LRP1B: variants seen among roughly 807,000 people sequenced by gnomAD.
LRP1B encodes LDL receptor related protein 1B.
Under a neutral mutation model 556.6 loss-of-function variants are expected in LRP1B, and 217 were observed. That is an observed-to-expected ratio of 0.39 (90% CI 0.35 to 0.44). The LOEUF is 0.44. Among genes scored for constraint, LRP1B ranks in the 20% least tolerant of loss-of-function variants. The pLI is 1.00. For synonymous variants in LRP1B, 2,047 were observed against 1,865.8 expected (o/e 1.10, Z -2.50); for missense variants, 5,053 against 5,620.8 (o/e 0.90, Z 3.23).
At chr2:141,033,363 A>C (rs1698434884) in intron 11 of LRP1B, among the ~76,000 whole-genome samples, 1 of 152,016 alleles carries the variant, frequency 6.6e-6, no homozygotes, top group African/African-American at 2.4e-5. Flanking sequence ...GTCATTGGAA[A>C]GTTGTAAGTA....
chr2:140,319,238 C>A (rs1227944143), intron 82 of LRP1B, among the ~76,000 whole-genome samples: 2 of 152,020 alleles, frequency 1.3e-5, no homozygotes, highest in Non-Finnish European at 2.9e-5. Context: ...GGAAAACCAC[C>A]AAAAACTGTC....
intron 2 of LRP1B, among the ~76,000 whole-genome samples, chr2:141,636,368 T>C (rs1689109146): frequency 6.6e-6 from 1 of 151,908 alleles, no homozygotes; most frequent in South Asian, 2.1e-4. Context: ...CAAAAACAAA[T>C]GAAAAGAACT....
At chr2:140,613,615 C>T (rs140966530) in intron 41 of LRP1B, among the ~76,000 whole-genome samples, 3 of 151,248 alleles carry the variant, frequency 2.0e-5, no homozygotes, top group Middle Eastern at 3.4e-3. Flanking sequence ...CTCAACTAGG[C>T]CTCAGCCTTG....
chr2:141,350,509 C>G lies in LRP1B; in HGVS notation c.344-95868G>C, dbSNP rs147643719. 1.3e-3 allele frequency among the ~76,000 whole-genome samples: 196 copies of G among 152,162 alleles called. 10 individuals carry two copies. In the East Asian group the frequency reaches 0.036, roughly 28 times the overall value. ...TTTTTCTTTGAATTCTAGAGGTTCACTTACCATAGCATCCTAAGGCATCCT... is the reference window on the plus strand; with the variant it reads ...TTTTTCTTTGAATTCTAGAGGTTCAGTTACCATAGCATCCTAAGGCATCCT... On this transcript the variant is annotated intron_variant, in intron 3 of 90. Coordinates refer to ENST00000389484, the MANE Select transcript of LRP1B (RefSeq NM_018557.3).
chr2:141,951,093 A>G (rs1283903099), intron 1 of LRP1B, among the ~76,000 whole-genome samples: 2 of 152,172 alleles, frequency 1.3e-5, no homozygotes, highest in African/African-American at 4.8e-5. Context: ...TCCCATAGTG[A>G]TAATGGCTGC....
At chr2:141,228,419 G>A (rs570924012) in intron 6 of LRP1B, among the ~76,000 whole-genome samples, 60 of 151,336 alleles carry the variant, frequency 4.0e-4, no homozygotes, top group African/African-American at 1.4e-3. Flanking sequence ...ATGAGTGTGT[G>A]TGTGTACTCC....
At chr2:140,631,192 C>CCA (rs1177763931) in intron 41 of LRP1B, among the ~76,000 whole-genome samples, 2 of 152,020 alleles carry the variant, frequency 1.3e-5, no homozygotes, top group Admixed American at 6.6e-5. Flanking sequence ...TAACATAAAA[C>CCA]CACACACACA....
chr2:141,477,988 G>A (rs1432211571), intron 3 of LRP1B, among the ~76,000 whole-genome samples: 1 of 151,100 alleles, frequency 6.6e-6, no homozygotes, highest in Non-Finnish European at 1.5e-5. Context: ...TGTCACATGT[G>A]ATAAAAGAAA....
At chr2:140,264,580 GGCCC>G (rs1410922014) in intron 86 of LRP1B, among the ~76,000 whole-genome samples, 2 of 151,976 alleles carry the variant, frequency 1.3e-5, no homozygotes, top group African/African-American at 4.8e-5. Context: ...CCTCTTTAAA[GGCCC>G]TATCTCCAAA....
intron 29 of LRP1B, among the ~76,000 whole-genome samples, chr2:140,846,426 G>A (rs61070260): frequency 0.058 from 8,758 of 152,014 alleles, 274 homozygotes; most frequent in East Asian, 0.075. Context: ...GCATGGTGGC[G>A]GGTGCCTGTA....
At chr2:140,842,807 C>T (rs1372635564) in intron 29 of LRP1B, among the ~76,000 whole-genome samples, 3 of 152,036 alleles carry the variant, frequency 2.0e-5, no homozygotes, top group Non-Finnish European at 4.4e-5. Flanking sequence ...CTATTTTTGT[C>T]ATTAATCAAG....
At chr2:140,803,260 GTTTTTTTTTTTTTTTT>G (rs11352164) in intron 32 of LRP1B, among the ~76,000 whole-genome samples, 5 of 102,238 alleles carry the variant, frequency 4.9e-5, no homozygotes, top group Admixed American at 4.6e-4. Flanking sequence ...CCTATTGAAA[GTTTTTTTTTTTTTTTT>G]TTTTTTTTTT....
At chr2:140,879,302 G>C (rs1693401689) in intron 25 of LRP1B, among the ~76,000 whole-genome samples, 1 of 152,122 alleles carries the variant, frequency 6.6e-6, no homozygotes, top group South Asian at 2.1e-4. Flanking sequence ...ACCAGAAATA[G>C]GCACTGTGAA....
Position 141,531,245 on chromosome 2 carries a change from CA to C in LRP1B, c.206-50713del, listed in dbSNP as rs1457510531. Among the ~76,000 whole-genome samples the C allele has an allele frequency of 3.9e-5, 6 of 151,974 alleles. No homozygotes were observed. In the South Asian group the frequency reaches 1.2e-3, roughly 32 times the overall value. ...TCTCAAACCAAGTCATTTCCTAGTG[CA>C]AAAAGGACTTGATATTTACTATATT... On this transcript the variant is annotated intron_variant, in intron 2 of 90. Transcript: ENST00000389484.
chr2:141,694,641 T>G (rs554467266), intron 2 of LRP1B, among the ~76,000 whole-genome samples: 1 of 151,456 alleles, frequency 6.6e-6, no homozygotes, highest in South Asian at 2.1e-4. Flanking sequence ...ATCATTCGAT[T>G]GTTTCAAAAA....
At chr2:141,384,115 T>TA (rs1689743538) in intron 3 of LRP1B, among the ~76,000 whole-genome samples, 1 of 152,184 alleles carries the variant, frequency 6.6e-6, no homozygotes, top group Non-Finnish European at 1.5e-5. Flanking sequence ...ATACATTTTT[T>TA]ATTTTTTAAA....
At chr2:140,640,395 T>C (rs1479823655) in intron 41 of LRP1B, among the ~76,000 whole-genome samples, 3 of 72,740 alleles carry the variant, frequency 4.1e-5, no homozygotes, top group African/African-American at 1.5e-4. Flanking sequence ...TTTTTTTTTT[T>C]TTTTTTTTTT....
intron 3 of LRP1B, among the ~76,000 whole-genome samples, chr2:141,354,177 A>G (rs1559024931): frequency 6.6e-6 from 1 of 152,014 alleles, no homozygotes; most frequent in Non-Finnish European, 1.5e-5. Context: ...GTTTACCTAT[A>G]TAACGAATGT....
intron 3 of LRP1B, among the ~76,000 whole-genome samples, chr2:141,465,741 G>GT (rs989580764): frequency 2.1e-4 from 32 of 151,840 alleles, no homozygotes; most frequent in African/African-American, 7.0e-4. Flanking sequence ...GTAGAGACAG[G>GT]TTTTTTCCAT....
Sources: allele counts gnomAD v4.1 joint callset (sites outside exome capture counted in the v4.1 genomes callset), GRCh38; gene constraint gnomAD v4.1.1; transcripts MANE v1.5; gene names NCBI Gene and HGNC (gene_info 2026-07-23, HGNC 2026-07-21).